Variants in DIS3L2 observed in about 807,000 individuals in gnomAD.
The protein encoded by DIS3L2 is DIS3 like 3'-5' exoribonuclease 2, also known as DIS3-like exonuclease 2.
Under a neutral mutation model 97.5 loss-of-function variants are expected in DIS3L2, and 34 were observed. That is an observed-to-expected ratio of 0.35 (90% CI 0.27 to 0.46). The LOEUF is 0.46. DIS3L2 is among the 20% of genes least tolerant of loss of function. The pLI, the probability that DIS3L2 is intolerant of heterozygous loss-of-function variation, is 1.00. For synonymous variants in DIS3L2, 435 were observed against 445.2 expected (o/e 0.98, Z 0.29); for missense variants, 1,038 against 1,146.0 (o/e 0.91, Z 1.36).
At chr2:232,090,159 T>C (rs1319245363) in intron 6 of DIS3L2, among the ~76,000 whole-genome samples, 1 of 152,184 alleles carries the variant, frequency 6.6e-6, no homozygotes, top group Non-Finnish European at 1.5e-5. Flanking sequence ...AGTCTTGAAC[T>C]CCTGGCCTCA....
chr2:232,341,294 C>T (rs11888259), downstream of DIS3L2, among the ~76,000 whole-genome samples: 18,327 of 152,218 alleles, frequency 0.12, 1,501 homozygotes, highest in African/African-American at 0.24. Flanking sequence ...CCTGGCAACC[C>T]GCCCCGGGAC....
intron 13 of DIS3L2, chr2:232,343,180 G>T: frequency 1.5e-6 from 1 of 668,798 alleles, no homozygotes; most frequent in Non-Finnish European, 2.7e-6. Flanking sequence ...ACTAGCTGCA[G>T]GCAAATATGA....
At chr2:232,273,392 T>C (rs531981853) in intron 13 of DIS3L2, among the ~76,000 whole-genome samples, 67 of 152,290 alleles carry the variant, frequency 4.4e-4, no homozygotes, top group African/African-American at 1.5e-3. Flanking sequence ...TCACTATACA[T>C]ATTGATCTTT....
At chr2:232,141,329 C>T (rs142712197) in intron 8 of DIS3L2, among the ~76,000 whole-genome samples, 5 of 152,248 alleles carry the variant, frequency 3.3e-5, no homozygotes, top group East Asian at 1.9e-4. Flanking sequence ...AAAATGGAAA[C>T]GTTTTACAGC....
intron 10 of DIS3L2, among the ~76,000 whole-genome samples, chr2:232,237,913 G>A (rs1352846588): frequency 1.3e-5 from 2 of 152,204 alleles, no homozygotes; most frequent in East Asian, 3.8e-4. Context: ...ATGGAAAGAG[G>A]TTTCCCATGA....
At chr2:232,132,742 G>A (rs929055303) in intron 7 of DIS3L2, among the ~76,000 whole-genome samples, 6 of 152,068 alleles carry the variant, frequency 3.9e-5, no homozygotes, top group African/African-American at 1.4e-4. Flanking sequence ...CTTCCTCACC[G>A]GACCTGCAGC....
At position 232,076,487 on chromosome 2, in the gene DIS3L2, T is replaced by TA. The variant is rs1161458516; in HGVS notation, c.367-10999dup. Among the ~76,000 whole-genome samples the TA allele has an allele frequency of 4.6e-5, 7 of 152,210 alleles. 1 individual carries two copies. In the South Asian group the frequency reaches 1.4e-3, roughly 31 times the overall value. On this transcript the variant is annotated intron_variant, in intron 5 of 20. Transcript: ENST00000325385. ...TTGCCCATCTGTGGGTTTGTAGTGA[T>TA]ATCTCATTGTGGCTTTAATTTGCAT...
At chr2:231,989,418 A>G (rs1264721016) in intron 1 of DIS3L2, among the ~76,000 whole-genome samples, 1 of 151,814 alleles carries the variant, frequency 6.6e-6, no homozygotes, top group Non-Finnish European at 1.5e-5. Flanking sequence ...ATCTTTGGCT[A>G]TTAATTGAAA....
chr2:232,087,792 G>A, intron 6 of DIS3L2, 71 bp downstream of exon 6: 2 of 1,234,666 alleles, frequency 1.6e-6, no homozygotes, highest in South Asian at 2.7e-5. Flanking sequence ...CCTCTCTGCT[G>A]CAGAGTAAAT....
intron 9 of DIS3L2, among the ~76,000 whole-genome samples, chr2:232,203,385 A>G (rs1354452629): frequency 2.6e-5 from 4 of 152,218 alleles, no homozygotes; most frequent in Non-Finnish European, 5.9e-5. Flanking sequence ...AGAAAAGAAG[A>G]TGGGATGAAG....
At chr2:232,301,623 G>C (rs1553546721) in intron 14 of DIS3L2, among the ~76,000 whole-genome samples, 1 of 152,116 alleles carries the variant, frequency 6.6e-6, no homozygotes, top group Non-Finnish European at 1.5e-5. Flanking sequence ...TAACTGGTGT[G>C]TACCCCTAAT....
At chr2:232,103,555 A>C (rs1428615952) in intron 6 of DIS3L2, among the ~76,000 whole-genome samples, 2 of 152,176 alleles carry the variant, frequency 1.3e-5, no homozygotes, top group South Asian at 4.1e-4. Context: ...TCATTTAGTC[A>C]TGGTATGTAG....
intron 9 of DIS3L2, among the ~76,000 whole-genome samples, chr2:232,193,886 A>G (rs1691679392): frequency 1.3e-5 from 2 of 152,176 alleles, no homozygotes; most frequent in Non-Finnish European, 2.9e-5. Context: ...AGGCAGGCGG[A>G]TCACTTGAGA....
At chr2:232,182,603 G>C (rs1007784955) in intron 9 of DIS3L2, among the ~76,000 whole-genome samples, 2 of 152,076 alleles carry the variant, frequency 1.3e-5, no homozygotes, top group South Asian at 4.1e-4. Flanking sequence ...TTTGTTGTTA[G>C]ATGCATGTGT....
chr2:232,333,019 C>G (rs1378517991), intron 16 of DIS3L2, among the ~76,000 whole-genome samples: 1 of 151,934 alleles, frequency 6.6e-6, no homozygotes, highest in Admixed American at 6.6e-5. Flanking sequence ...GACCCACAGG[C>G]TCCTTGGCTT....
intron 6 of DIS3L2, among the ~76,000 whole-genome samples, chr2:232,113,671 A>G (rs1221226817): frequency 6.6e-6 from 1 of 152,216 alleles, no homozygotes; most frequent in Non-Finnish European, 1.5e-5. Flanking sequence ...AAGAGAGCTG[A>G]CCTAACCAAC....
chr2:232,322,702 C>G (rs1190735396), intron 14 of DIS3L2, among the ~76,000 whole-genome samples: 1 of 152,220 alleles, frequency 6.6e-6, no homozygotes, highest in Non-Finnish European at 1.5e-5. Context: ...GCCCAGGCTT[C>G]TCTCTCGTTT....
At chr2:232,190,891 A>G (rs1691602710) in intron 9 of DIS3L2, among the ~76,000 whole-genome samples, 1 of 152,240 alleles carries the variant, frequency 6.6e-6, no homozygotes, top group Admixed American at 6.5e-5. Context: ...GAAGAGTTAA[A>G]GAAAAGACAA....
intron 1 of DIS3L2, among the ~76,000 whole-genome samples, chr2:232,013,482 G>A (rs1157431158): frequency 6.6e-6 from 1 of 152,092 alleles, no homozygotes; most frequent in Non-Finnish European, 1.5e-5. Context: ...TTTTCTGTTT[G>A]CGCCTCTATT....
Sources: allele counts gnomAD v4.1 joint callset (sites outside exome capture counted in the v4.1 genomes callset), GRCh38; gene constraint gnomAD v4.1.1; transcripts MANE v1.5; gene names NCBI Gene and HGNC (gene_info 2026-07-23, HGNC 2026-07-21).